The following KCNN2 variants were observed in gnomAD, a reference collection of about 807,000 sequenced individuals.
The protein encoded by KCNN2 is potassium calcium-activated channel subfamily N member 2.
In KCNN2, 24 loss-of-function variants were observed where a neutral mutation model predicts 55.5. The observed-to-expected ratio is 0.43, with a 90% confidence interval of 0.31 to 0.61. The LOEUF is 0.61. Ranked by LOEUF, KCNN2 falls within the 20% of genes least tolerant of loss-of-function variation. KCNN2 has a pLI of 0.08. For synonymous variants in KCNN2, 431 were observed against 336.1 expected, an observed-to-expected ratio of 1.28 and a Z score of -3.09; for missense variants, 754 against 853.6, an observed-to-expected ratio of 0.88 and a Z score of 1.45.
In KCNN2 at chr5:114,476,177, T is replaced by TC. The variant is rs570154178; in HGVS notation, c.1890+3016dup. ...GCATTAGGTATATCTCCCAATGCTA[T>TC]CCCTCCCCCCACCCCACCACAGTCC... On this transcript the variant is annotated intron_variant, in intron 5 of 7. Coordinates refer to ENST00000673685, the MANE Select transcript of KCNN2 (RefSeq NM_021614.4). Among the ~76,000 whole-genome samples the TC allele has an allele frequency of 6.5e-4, 64 of 97,724 alleles. No homozygotes were observed. The East Asian group carries it at 0.016, about 25-fold the overall frequency. The allele number at this position is 97,724 out of a possible 152,430, so 64.1% of individuals were successfully genotyped here. A position where few individuals can be genotyped will look rare whatever the true frequency, so the allele number is the denominator to read the frequency against.
At chr5:114,122,140 T>C (rs1751841143) in intron 1 of KCNN2, among the ~76,000 whole-genome samples, 1 of 152,142 alleles carries the variant, frequency 6.6e-6, no homozygotes, top group Non-Finnish European at 1.5e-5. Context: ...ATGAATGATG[T>C]GGTGTTAGGA....
At chr5:114,304,930 C>T (rs1431305701) in intron 2 of KCNN2, among the ~76,000 whole-genome samples, 1 of 152,184 alleles carries the variant, frequency 6.6e-6, no homozygotes, top group East Asian at 1.9e-4. Flanking sequence ...GAGAGGATGA[C>T]TCTGCCTGCC....
chr5:114,468,184 CTTGAAACTTAT>C (rs542554771), intron 4 of KCNN2, among the ~76,000 whole-genome samples: 143 of 152,228 alleles, frequency 9.4e-4, no homozygotes, highest in South Asian at 7.5e-3. Flanking sequence ...TCAAAACTTC[CTTGAAACTTAT>C]TTATTTTCAT....
chr5:114,389,379 C>T (rs1758392868), intron 2 of KCNN2, among the ~76,000 whole-genome samples: 1 of 152,136 alleles, frequency 6.6e-6, no homozygotes, highest in African/African-American at 2.4e-5. Flanking sequence ...ATTATGGACA[C>T]AGGCTCTGAA....
intron 1 of KCNN2, among the ~76,000 whole-genome samples, chr5:114,129,741 G>T (rs994694261): frequency 1.2e-4 from 19 of 152,294 alleles, no homozygotes; most frequent in African/African-American, 4.6e-4. Context: ...TTTCCTCCTT[G>T]TCAGGGTCAA....
chr5:114,285,009 G>A (rs1232621436), intron 2 of KCNN2, among the ~76,000 whole-genome samples: 2 of 151,812 alleles, frequency 1.3e-5, no homozygotes, highest in Non-Finnish European at 2.9e-5. Context: ...CAGGCTGGGC[G>A]CGGTGGCTCA....
rs1265624867 is a variant in KCNN2, at chr5:114,493,397, T to C, written c.2019-6T>C. ...AACCTTTCTGATACCAGATTCTATC[T>C]TTTAGATTAAGAAGTGTAAAAATGG... is the stretch of plus-strand genomic sequence containing the variant. On this transcript the variant is annotated splice_polypyrimidine_tract_variant and splice_region_variant and intron_variant, in intron 6 of 7. Coordinates refer to ENST00000673685, the MANE Select transcript of KCNN2 (RefSeq NM_021614.4). 2 of 1,555,940 alleles carry C rather than the reference T, an allele frequency of 1.3e-6. No individual in the cohort carries two copies. Among genetic ancestry groups the C allele is most frequent in the African/African-American group, 1.4e-5 (1 of 73,980 alleles).
At chr5:114,067,565 T>C (rs1253804235) in intron 1 of KCNN2, among the ~76,000 whole-genome samples, 1 of 152,228 alleles carries the variant, frequency 6.6e-6, no homozygotes, top group East Asian at 1.9e-4. Context: ...TTTTTATTCC[T>C]TTTAAGATTC....
At chr5:114,252,133 C>G (rs1287825452) in intron 2 of KCNN2, among the ~76,000 whole-genome samples, 2 of 152,080 alleles carry the variant, frequency 1.3e-5, no homozygotes, top group Non-Finnish European at 1.5e-5. Flanking sequence ...CTGCCTCAGC[C>G]TCCCAAAGTG....
rs566626659 is a variant in KCNN2 at position 114,433,388 on chromosome 5, A to G, written c.1637+28532A>G. 2.0e-5 allele frequency: 3 copies of G among 152,386 alleles called. No individual in the cohort carries two copies. The South Asian group carries it at 6.2e-4, about 32-fold the overall frequency. 9.4% of individuals were successfully genotyped at this position (152,386 alleles called of 1,614,324 possible). A position where few individuals can be genotyped will look rare whatever the true frequency, so the allele number is the denominator to read the frequency against. On this transcript the variant is annotated intron_variant, in intron 3 of 7. Coordinates refer to ENST00000673685, the MANE Select transcript of KCNN2 (RefSeq NM_021614.4). The stretch of plus-strand genomic sequence containing the variant: ...GGGGACGTGGAGAACCTTTGTGTCT[A>G]GCTCAGGGATTGTAAACACACCAAT...
At chr5:114,281,962 G>C (rs1019241975) in intron 2 of KCNN2, among the ~76,000 whole-genome samples, 1 of 151,812 alleles carries the variant, frequency 6.6e-6, no homozygotes, top group African/African-American at 2.4e-5. Context: ...GGATTATCTA[G>C]TTAGGGTGCT....
intron 2 of KCNN2, among the ~76,000 whole-genome samples, chr5:114,334,244 C>G (rs567449242): frequency 5.3e-5 from 8 of 150,196 alleles, no homozygotes; most frequent in Non-Finnish European, 1.0e-4. Context: ...GATGTGGAAT[C>G]TACTCCATAT....
intron 1 of KCNN2, among the ~76,000 whole-genome samples, chr5:114,197,970 T>C (rs1156299240): frequency 1.3e-5 from 2 of 152,184 alleles, no homozygotes; most frequent in Non-Finnish European, 2.9e-5. Context: ...TGATTAATGA[T>C]CTTTTAAGAT....
intron 1 of KCNN2, among the ~76,000 whole-genome samples, chr5:114,126,264 A>T (rs1751928557): frequency 6.6e-6 from 1 of 152,150 alleles, no homozygotes; most frequent in Admixed American, 6.5e-5. Flanking sequence ...CTCTGTTCTC[A>T]GGCTGCTAAT....
intron 3 of KCNN2, among the ~76,000 whole-genome samples, chr5:114,452,586 T>C (rs1345896044): frequency 1.3e-5 from 2 of 152,198 alleles, no homozygotes; most frequent in African/African-American, 4.8e-5. Flanking sequence ...TAATTGATGG[T>C]TCTCAGACTA....
chr5:114,469,015 C>T (rs1003817853), intron 4 of KCNN2, among the ~76,000 whole-genome samples: 1 of 152,180 alleles, frequency 6.6e-6, no homozygotes, highest in African/African-American at 2.4e-5. Context: ...AAGGGCTCAA[C>T]ATGGCTTACA....
chr5:114,271,044 C>A (rs941601865), intron 2 of KCNN2, among the ~76,000 whole-genome samples: 1 of 152,128 alleles, frequency 6.6e-6, no homozygotes, highest in Non-Finnish European at 1.5e-5. Context: ...AAAGCTTCCA[C>A]AGCGTGGAAG....
chr5:114,182,879 T>C (rs1374493885), intron 1 of KCNN2, among the ~76,000 whole-genome samples: 1 of 152,110 alleles, frequency 6.6e-6, no homozygotes, highest in Non-Finnish European at 1.5e-5. Context: ...TTTATTGCAA[T>C]GGCTACAATT....
chr5:114,196,104 A>G (rs1056542843), intron 1 of KCNN2, among the ~76,000 whole-genome samples: 66 of 151,974 alleles, frequency 4.3e-4, no homozygotes, highest in African/African-American at 1.6e-3. Flanking sequence ...TTGAATATAA[A>G]TATAAGCCTT....
Sources: allele counts gnomAD v4.1 joint callset (sites outside exome capture counted in the v4.1 genomes callset), GRCh38; gene constraint gnomAD v4.1.1; transcripts MANE v1.5; gene names NCBI Gene and HGNC (gene_info 2026-07-23, HGNC 2026-07-21).